The following VSNL1 variants were observed in gnomAD, a reference collection of about 807,000 sequenced individuals.
The protein encoded by VSNL1 is visinin-like protein 1.
In VSNL1, 6 loss-of-function variants were observed where a neutral mutation model predicts 20.4. The ratio of observed to expected loss-of-function variants is 0.29; its 90% CI spans 0.16 to 0.58. The LOEUF is 0.58. VSNL1 is among the 20% of genes least tolerant of loss of function. The probability of loss-of-function intolerance (pLI) is 0.90; values close to 1 mark genes in which losing one functional copy is unlikely to be tolerated. For missense variants in VSNL1, 100 were observed against 234.5 expected (o/e 0.43, Z 3.75); for synonymous variants, 93 against 86.4 (o/e 1.08, Z -0.42).
intron 3 of VSNL1, among the ~76,000 whole-genome samples, chr2:17,652,183 G>A (rs183605251): frequency 2.1e-4 from 31 of 146,528 alleles, no homozygotes; most frequent in African/African-American, 7.8e-4. Flanking sequence ...TAACTAGACA[G>A]AGAATATAAA....
chr2:17,564,922 C>G (rs1393531747), intron 1 of VSNL1, among the ~76,000 whole-genome samples: 1 of 152,082 alleles, frequency 6.6e-6, no homozygotes, highest in Admixed American at 6.5e-5. Flanking sequence ...AATTTCTATA[C>G]CAAATTTGTA....
At chr2:17,568,567 A>T (rs1008346622) in intron 1 of VSNL1, among the ~76,000 whole-genome samples, 8 of 152,238 alleles carry the variant, frequency 5.3e-5, no homozygotes, top group Non-Finnish European at 1.2e-4. Flanking sequence ...ACTCCAAAAC[A>T]CAACCCCCAT....
intron 1 of VSNL1, among the ~76,000 whole-genome samples, chr2:17,555,282 G>A (rs1003583011): frequency 3.9e-5 from 6 of 152,062 alleles, no homozygotes; most frequent in South Asian, 2.1e-4. Context: ...ATTCCTTTCC[G>A]AACTGAAAAG....
At chr2:17,609,083 C>T (rs959331736) in intron 2 of VSNL1, among the ~76,000 whole-genome samples, 29 of 152,096 alleles carry the variant, frequency 1.9e-4, no homozygotes, top group African/African-American at 7.0e-4. Flanking sequence ...CACATGGTGT[C>T]GACATGACTG....
In VSNL1 at chr2:17,656,627, C is replaced by T. The variant is rs900256612; in HGVS notation, c.*1233C>T. ...AGAACAGAACTCTGACTCTTTTGATCTTGAAGGAGGCAGAAGAGATTCCAT... is the reference window on the plus strand; with the variant it reads ...AGAACAGAACTCTGACTCTTTTGATTTTGAAGGAGGCAGAAGAGATTCCAT... On this transcript the variant is annotated 3_prime_UTR_variant, in exon 4 of 4. Coordinates refer to ENST00000295156, the MANE Select transcript of VSNL1 (RefSeq NM_003385.5). 3.3e-5 allele frequency: 5 copies of T among 152,182 alleles called. No individual in the cohort carries two copies. The highest frequency in any genetic ancestry group is 1.2e-4 in the African/African-American group (5 of 41,436). The allele number at this position is 152,182 out of a possible 1,614,324, so 9.4% of individuals were successfully genotyped here.
At chr2:17,622,577 AAAGAAAGAAAGAAAGAAAGAAAG>A (rs1665402396) in intron 2 of VSNL1, among the ~76,000 whole-genome samples, 1 of 128,834 alleles carries the variant, frequency 7.8e-6, no homozygotes, top group African/African-American at 2.7e-5. Context: ...AGAAAGAAAG[AAAGAAAGAAAGAAAGAAAGAAAG>A]AAAAGAAAGA....
At chr2:17,627,604 G>A (rs1385234686) in intron 2 of VSNL1, among the ~76,000 whole-genome samples, 1 of 152,192 alleles carries the variant, frequency 6.6e-6, no homozygotes, top group African/African-American at 2.4e-5. Flanking sequence ...AGTTGAAGCC[G>A]TTGTCTTGTG....
chr2:17,641,996 C>T (rs1219573383), intron 2 of VSNL1, among the ~76,000 whole-genome samples: 4 of 152,112 alleles, frequency 2.6e-5, no homozygotes, highest in African/African-American at 4.8e-5. Flanking sequence ...ATCAGAAAAA[C>T]TAAATAAAAT....
intron 1 of VSNL1, among the ~76,000 whole-genome samples, chr2:17,558,703 G>C (rs1394310917): frequency 6.6e-6 from 1 of 152,028 alleles, no homozygotes; most frequent in African/African-American, 2.4e-5. Flanking sequence ...TGTTATCATT[G>C]TCATTATTAT....
At chr2:17,602,022 C>G (rs922286293) in intron 2 of VSNL1, among the ~76,000 whole-genome samples, 1 of 152,196 alleles carries the variant, frequency 6.6e-6, no homozygotes, top group Admixed American at 6.5e-5. Context: ...GTCTGGATTT[C>G]TCAGTGAAAA....
chr2:17,613,904 C>A (rs984876605), intron 2 of VSNL1, among the ~76,000 whole-genome samples: 4 of 152,128 alleles, frequency 2.6e-5, no homozygotes, highest in African/African-American at 9.7e-5. Flanking sequence ...CCAGAAGAGC[C>A]CCCAAGTCAA....
At chr2:17,548,197 CT>C (rs1663444628) in intron 1 of VSNL1, among the ~76,000 whole-genome samples, 1 of 151,932 alleles carries the variant, frequency 6.6e-6, no homozygotes, top group Admixed American at 6.6e-5. Flanking sequence ...TTTCTAGCCC[CT>C]CTCCACATTT....
rs180896590 is a variant in VSNL1, at chr2:17,643,113, G to A, written c.163-6297G>A. ...CCTTTGGCTTATCACATCTGCTTGA[G>A]GGCAGAGACCAGACCTTCTATCTTC... is the stretch of plus-strand genomic sequence containing the variant. On this transcript the variant is annotated intron_variant, in intron 2 of 3. Transcript: ENST00000295156. Among the ~76,000 whole-genome samples, 31 of 152,236 alleles carry A rather than the reference G, an allele frequency of 2.0e-4. No individual in the cohort carries two copies. In the East Asian group the frequency reaches 4.8e-3, roughly 24 times the overall value.
intron 1 of VSNL1, among the ~76,000 whole-genome samples, chr2:17,566,911 T>G (rs981385344): frequency 5.3e-5 from 8 of 152,324 alleles, no homozygotes; most frequent in African/African-American, 1.4e-4. Flanking sequence ...AGGCACCCAC[T>G]ATCACATGTA....
At chr2:17,584,515 C>T (rs1664424515) in intron 1 of VSNL1, among the ~76,000 whole-genome samples, 1 of 152,144 alleles carries the variant, frequency 6.6e-6, no homozygotes, top group Non-Finnish European at 1.5e-5. Flanking sequence ...TTGAGACCAC[C>T]TAGTGAAAGC....
chr2:17,608,742 A>G (rs567905650), intron 2 of VSNL1, among the ~76,000 whole-genome samples: 1 of 152,276 alleles, frequency 6.6e-6, no homozygotes, highest in East Asian at 1.9e-4. Flanking sequence ...ATAATAATAC[A>G]TATCAGGCAG....
At chr2:17,589,927 C>A (rs1664560658) in intron 1 of VSNL1, among the ~76,000 whole-genome samples, 2 of 152,204 alleles carry the variant, frequency 1.3e-5, no homozygotes. Flanking sequence ...ATTCAGTTCT[C>A]TGAAGCCTCC....
chr2:17,615,266 C>A (rs1665188476), intron 2 of VSNL1, among the ~76,000 whole-genome samples: 1 of 152,156 alleles, frequency 6.6e-6, no homozygotes, highest in Non-Finnish European at 1.5e-5. Context: ...AGTGAGGGTG[C>A]CCCTCATGCC....
chr2:17,593,137 A>T (rs1403640290), intron 2 of VSNL1, among the ~76,000 whole-genome samples: 1 of 152,218 alleles, frequency 6.6e-6, no homozygotes, highest in Non-Finnish European at 1.5e-5. Flanking sequence ...ATAAAATATT[A>T]AGCATTATCA....
Sources: gnomAD v4.1 joint callset for allele counts (sites outside exome capture counted in the v4.1 genomes callset) on GRCh38, gnomAD v4.1.1 for gene constraint, MANE v1.5 for transcripts, NCBI Gene and HGNC (gene_info 2026-07-23, HGNC 2026-07-21) for gene names.